RTL1: variants seen among roughly 807,000 people sequenced by gnomAD.
RTL1 encodes the protein retrotransposon Gag like 1.
For synonymous variants in RTL1, 727 were observed against 748.4 expected, an observed-to-expected ratio of 0.97 and a Z score of 0.47; for missense variants, 1,681 against 1,767.5, an observed-to-expected ratio of 0.95 and a Z score of 0.88.
intron 3 of RTL1, among the ~76,000 whole-genome samples, chr14:100,892,337 G>C (rs1395247877): frequency 2.0e-5 from 3 of 152,240 alleles, no homozygotes; most frequent in Non-Finnish European, 4.4e-5. Flanking sequence ...AGGCAGATGA[G>C]AGGCTGGCTA....
chr14:100,898,800 C>T lies in RTL1; in HGVS notation c.-149+4491G>A, dbSNP rs45596834. On this transcript the variant is annotated intron_variant, in intron 2 of 3. Coordinates refer to ENST00000649591, the MANE Select transcript of RTL1 (RefSeq NM_001134888.3). ...GGAGCCCAAAGTTAGATGGGCCCCA[C>T]GAAACACTGTGTTCAGAAGCCCACC... Among the ~76,000 whole-genome samples, 1,093 of 152,358 alleles carry T rather than the reference C, an allele frequency of 7.2e-3. 12 individuals carry two copies. Among genetic ancestry groups the T allele is most frequent in the Non-Finnish European group, 0.011 (779 of 68,034 alleles).
chr14:100,881,207 C>A lies in RTL1; in HGVS notation c.3582G>T (p.Leu1194=). The change falls in exon 4 of 4, where the codon CTG becomes CTT. Residue 1194 remains leucine, a synonymous_variant. Coordinates refer to ENST00000649591, the MANE Select transcript of RTL1 (RefSeq NM_001134888.3). This position sits in a 1 kb window ranked among gnomAD's most constrained non-coding sequence, Gnocchi z 6.6. ...RGLQFTPGFW[L]TLCEFFGVRV... is the part of the protein sequence containing the mutation. ...TGACACCGAAGAACTCACACAGCGTCAGCCAGAAGCCAGGGGTGAACTGCA... is the reference window on the plus strand; with the variant it reads ...TGACACCGAAGAACTCACACAGCGTAAGCCAGAAGCCAGGGGTGAACTGCA... 6.5e-7 allele frequency: 1 copy of A among 1,544,026 alleles called. No homozygotes were observed. Among genetic ancestry groups the A allele is most frequent in the Non-Finnish European group, 8.7e-7 (1 of 1,143,232 alleles).
At position 100,880,733 on chromosome 14, in the gene RTL1, G is replaced by C. The variant is rs775565378; in HGVS notation, c.4056C>G (p.Asp1352Glu). ...GTCTTCAGTCGAGGTTAGCATCTTC[G>C]TCCTCATCAGGCAGCTCTTCTAGCC... ...QARLEELPDE[D>E]EDANLD Residue 1352 changes from aspartate (D) to glutamate (E), a missense_variant, in exon 4 of 4, where the codon GAC becomes GAG. By Grantham distance (45) the Asp-to-Glu change is conservative. Transcript: ENST00000649591. The C allele has an allele frequency of 6.4e-7, 1 of 1,550,920 alleles. No homozygotes were observed.
chr14:100,882,878 C>T lies in RTL1; in HGVS notation c.1911G>A (p.Gln637=). 6.3e-7 allele frequency: 1 copy of T among 1,577,998 alleles called. No individual in the cohort carries two copies. Among genetic ancestry groups the T allele is most frequent in the Non-Finnish European group, 8.6e-7 (1 of 1,158,990 alleles). ...AGTCCTGTCTGTTGGTCAGCATGTC[C>T]TGCAGGTCCCAGTATTCCTCCTGTA... The part of the protein sequence containing the change: ...ARLQEEYWDL[Q]DMLTNRQDYI... The change falls in exon 4 of 4, where the codon CAG becomes CAA. Residue 637 remains glutamine, a synonymous_variant. Transcript: ENST00000649591.
In RTL1 at chr14:100,881,862, T is replaced by C. The variant is rs928791410; in HGVS notation, c.2927A>G (p.His976Arg). 6.2e-7 allele frequency: 1 copy of C among 1,613,580 alleles called. No homozygotes were observed. Among genetic ancestry groups the C allele is most frequent in the Admixed American group, 1.7e-5 (1 of 60,004 alleles). The change falls in exon 4 of 4, where the codon CAC becomes CGC. Residue 976 changes from histidine (H) to arginine (R), a missense_variant. His to Arg is a conservative substitution (Grantham distance 29). Transcript: ENST00000649591. The surrounding 1 kb of genome is among the most constrained non-coding windows in gnomAD (Gnocchi z 6.6). ...LPGHWVFFFS[H>R]FNFDVMELPE... ...CAGCTCCATGACGTCAAAGTTGAAGTGGGAGAAGAAGAAGACCCAATGCCC... is the reference window on the plus strand; with the variant it reads ...CAGCTCCATGACGTCAAAGTTGAAGCGGGAGAAGAAGAAGACCCAATGCCC...
rs771593491 is a variant in RTL1, at chr14:100,881,709, G to A, written c.3080C>T (p.Ser1027Leu). The A allele has an allele frequency of 7.6e-6, 12 of 1,586,100 alleles. No individual in the cohort carries two copies. The Admixed American group carries it at 1.5e-4, about 19-fold the overall frequency. Residue 1027 changes from serine to leucine, a missense_variant, in exon 4 of 4, where the codon TCG (serine) becomes TTG (leucine). Transcript: ENST00000649591. The surrounding 1 kb of genome is among the most constrained non-coding windows in gnomAD (Gnocchi z 6.6). Reference protein sequence around the residue: ...LASRGFPRDPSTESGEEENEE... With the variant: ...LASRGFPRDPLTESGEEENEE... Reference sequence around the variant, plus strand: ...ATTCTCTTCTTCCCCGGATTCCGTCGATGGATCCCTGGGGAATCCCCTTGA... The same window carrying A: ...ATTCTCTTCTTCCCCGGATTCCGTCAATGGATCCCTGGGGAATCCCCTTGA...
In RTL1 at chr14:100,880,995, T is replaced by C. The variant is rs1336423338; in HGVS notation, c.3794A>G (p.Gln1265Arg). Residue 1265 changes from glutamine to arginine, a missense_variant, in exon 4 of 4, where the codon CAG (glutamine) becomes CGG (arginine). Gln to Arg is a conservative substitution (Grantham distance 43). Coordinates refer to ENST00000649591, the MANE Select transcript of RTL1 (RefSeq NM_001134888.3). ...TGCTGTGTGGCTGGGTGGGGCCTCC[T>C]GCACGTCGTTGTCCTGCTTGTCCTG... is the stretch of plus-strand genomic sequence containing the variant. ...TSQDKQDNDV[Q>R]EAPPSHTAAT... 1 of 1,564,866 alleles carries C rather than the reference T, an allele frequency of 6.4e-7. No individual in the cohort carries two copies. The highest frequency in any genetic ancestry group is 8.7e-7 in the Non-Finnish European group (1 of 1,155,388).
Position 100,903,015 on chromosome 14 carries a change from C to G in RTL1, c.-149+276G>C, listed in dbSNP as rs535641272. 2.6e-5 allele frequency among the ~76,000 whole-genome samples: 4 copies of G among 152,300 alleles called. No individual in the cohort carries two copies. The South Asian group carries it at 8.3e-4, about 32-fold the overall frequency. On this transcript the variant is annotated intron_variant, in intron 2 of 3. Coordinates refer to ENST00000649591, the MANE Select transcript of RTL1 (RefSeq NM_001134888.3). ...AATCAAGTCAGCCGGAGGCAGCCCC[C>G]GGCCTGTGGAACTCACAGTAGATGC... is the stretch of plus-strand genomic sequence containing the variant.
chr14:100,890,210 T>G (rs1289899187), intron 3 of RTL1, among the ~76,000 whole-genome samples: 1 of 150,804 alleles, frequency 6.6e-6, no homozygotes, highest in Non-Finnish European at 1.5e-5. Context: ...CCACCTTCAG[T>G]GCCCAGAGCC....
Position 100,880,804 on chromosome 14 carries a change from C to T in RTL1, c.3985G>A (p.Ala1329Thr), listed in dbSNP as rs1273461080. The part of the protein sequence containing the change: ...SQFLTLIYRR[A>T]LPIPAWESQP... ...CTCTCCCAGGCGGGGATGGGCAGGG[C>T]CCGCCTGTAGATCAGGGTCAGGAAC... The change falls in exon 4 of 4, where the codon GCC becomes ACC. Residue 1329 changes from alanine to threonine, a missense_variant. Ala to Thr is a moderately conservative substitution (Grantham distance 58). Coordinates refer to ENST00000649591, the MANE Select transcript of RTL1 (RefSeq NM_001134888.3). 2 of 1,550,588 alleles carry T rather than the reference C, an allele frequency of 1.3e-6. No homozygotes were observed. The highest frequency in any genetic ancestry group is 1.7e-6 in the Non-Finnish European group (2 of 1,146,954).
In RTL1 at chr14:100,883,179, G is replaced by T. The variant is rs774603463; in HGVS notation, c.1610C>A (p.Pro537Gln). ...CTCTAGGGCAATGCATGGCGGGGGC[G>T]GGCGGAAGCAGTTCTTCAGGCAGTA... Reference protein sequence around the residue: ...SPYCLKNCFRPPPPCIALERH... With the variant: ...SPYCLKNCFRQPPPCIALERH... The change falls in exon 4 of 4, where the codon CCG (proline) becomes CAG (glutamine). Residue 537 changes from proline to glutamine, a missense_variant. Pro to Gln is a moderately conservative substitution (Grantham distance 76). Transcript: ENST00000649591. This position sits in a 1 kb window ranked among gnomAD's most constrained non-coding sequence, Gnocchi z 5.9. The T allele has an allele frequency of 1.3e-6, 2 of 1,576,406 alleles. No homozygotes were observed. The highest frequency in any genetic ancestry group is 1.7e-6 in the Non-Finnish European group (2 of 1,158,146).
At position 100,893,350 on chromosome 14, in the gene RTL1, A is replaced by C. The variant is rs1409949689; in HGVS notation, c.-87+94T>G. ...AATGAACACTTTAACCCTTGTCCTG[A>C]GTGCCAGGCCATCCCATTCACTGCC... On this transcript the variant is annotated intron_variant, in intron 3 of 3. Transcript: ENST00000649591. This position sits in a 1 kb window ranked among gnomAD's most constrained non-coding sequence, Gnocchi z 4.2. Among the ~76,000 whole-genome samples, 2 of 152,044 alleles carry C rather than the reference A, an allele frequency of 1.3e-5. No homozygotes were observed. Among genetic ancestry groups the C allele is most frequent in the Non-Finnish European group, 2.9e-5 (2 of 68,020 alleles).
rs775688325 is a variant in RTL1, at chr14:100,881,176, T to G, written c.3613A>C (p.Thr1205Pro). ...TLCEFFGVRV[T>P]PQEGHLPALR... Reference sequence around the variant, plus strand: ...GCAGGGAGGTGGCCCTCCTGGGGGGTGACTCTGACACCGAAGAACTCACAC... The same window carrying G: ...GCAGGGAGGTGGCCCTCCTGGGGGGGGACTCTGACACCGAAGAACTCACAC... The change falls in exon 4 of 4, where the codon ACC (threonine) becomes CCC (proline). Residue 1205 changes from threonine to proline, a missense_variant. By Grantham distance (38) the Thr-to-Pro change is conservative. Transcript: ENST00000649591. The surrounding 1 kb of genome is among the most constrained non-coding windows in gnomAD (Gnocchi z 6.6). 1.1e-4 allele frequency: 172 copies of G among 1,539,382 alleles called. No individual in the cohort carries two copies. Among genetic ancestry groups the G allele is most frequent in the Non-Finnish European group, 1.4e-4 (165 of 1,140,950 alleles).
chr14:100,888,524 C>A (rs2038724907), intron 3 of RTL1, among the ~76,000 whole-genome samples: 1 of 152,158 alleles, frequency 6.6e-6, no homozygotes, highest in Admixed American at 6.5e-5. Context: ...CCCTTAAAGT[C>A]AAATTCACAC....
rs2038617599 is a variant in RTL1 at position 100,881,763 on chromosome 14, G to A, written c.3026C>T (p.Thr1009Ile). 6.2e-7 allele frequency: 1 copy of A among 1,613,486 alleles called. No individual in the cohort carries two copies. Among genetic ancestry groups the A allele is most frequent in the African/African-American group, 1.3e-5 (1 of 75,054 alleles). ...LRWRRAFQRNTAARQTLLLAS... is the reference protein window; with the variant it reads ...LRWRRAFQRNIAARQTLLLAS... ...CAGCAGCAGGGTTTGCCTGGCGGCAGTGTTCCTCTGGAAGGCTCTCCTCCA... is the reference window on the plus strand; with the variant it reads ...CAGCAGCAGGGTTTGCCTGGCGGCAATGTTCCTCTGGAAGGCTCTCCTCCA... Residue 1009 changes from threonine (T) to isoleucine (I), a missense_variant, in exon 4 of 4, where the codon ACT becomes ATT. Physicochemically the swap from Thr to Ile is moderately conservative, Grantham distance 89. Coordinates refer to ENST00000649591, the MANE Select transcript of RTL1 (RefSeq NM_001134888.3). The surrounding 1 kb of genome is among the most constrained non-coding windows in gnomAD (Gnocchi z 6.6).
In RTL1 at chr14:100,882,353, G is replaced by T. The variant is rs1244508704; in HGVS notation, c.2436C>A (p.Phe812Leu). The change falls in exon 4 of 4, where the codon TTC (phenylalanine) becomes TTA (leucine). Residue 812 changes from phenylalanine to leucine, a missense_variant. Phe to Leu is a conservative substitution (Grantham distance 22). Coordinates refer to ENST00000649591, the MANE Select transcript of RTL1 (RefSeq NM_001134888.3). ...TPGSKLSLRN[F>L]IEFVFPYRHF... is the part of the protein sequence containing the mutation. ...GGCGGTAGGGGAAGACGAATTCGAT[G>T]AAGTTTCGCAGAGATAGCTTGGAGC... 6.4e-7 allele frequency: 1 copy of T among 1,551,608 alleles called. No homozygotes were observed. The highest frequency in any genetic ancestry group is 8.7e-7 in the Non-Finnish European group (1 of 1,147,008).
rs374206163 is a variant in RTL1 at position 100,896,994 on chromosome 14, A to C, written c.-148-3489T>G. Among the ~76,000 whole-genome samples, 8 of 152,288 alleles carry C rather than the reference A, an allele frequency of 5.3e-5. 1 individual carries two copies. The highest frequency in any genetic ancestry group is 1.9e-4 in the African/African-American group (8 of 41,544). Reference sequence around the variant, plus strand: ...GGCTTTCGGGTCCTTTTAAAGACCAAAAAGTAAAGCACTCCCCCGTGGGTG... The same window carrying C: ...GGCTTTCGGGTCCTTTTAAAGACCACAAAGTAAAGCACTCCCCCGTGGGTG... On this transcript the variant is annotated intron_variant, in intron 2 of 3. Coordinates refer to ENST00000649591, the MANE Select transcript of RTL1 (RefSeq NM_001134888.3).
rs776369385 is a variant in RTL1 at position 100,882,169 on chromosome 14, G to T, written c.2620C>A (p.Pro874Thr). Residue 874 changes from proline to threonine, a missense_variant, in exon 4 of 4, where the codon CCA (proline) becomes ACA (threonine). Transcript: ENST00000649591. ...PLLHHPKPQN[P>T]FYLETGVTGT... ...GTGACGCCGGTTTCCAAGTAGAATG[G>T]GTTCTGGGGCTTGGGGTGGTGGAGG... The T allele has an allele frequency of 6.4e-7, 1 of 1,550,494 alleles. No homozygotes were observed. Among genetic ancestry groups the T allele is most frequent in the Admixed American group, 2.0e-5 (1 of 51,006 alleles).
chr14:100,890,028 G>A (rs2038748246), intron 3 of RTL1, among the ~76,000 whole-genome samples: 1 of 135,052 alleles, frequency 7.4e-6, no homozygotes, highest in African/African-American at 2.7e-5. Context: ...TCTCATGACA[G>A]TTTCTTTAAG....
Sources: allele counts gnomAD v4.1 joint callset (sites outside exome capture counted in the v4.1 genomes callset), GRCh38; gene constraint gnomAD v4.1.1; non-coding constraint Gnocchi (gnomAD v3.1); transcripts MANE v1.5; gene names NCBI Gene and HGNC (gene_info 2026-07-23, HGNC 2026-07-21).